The following ENOX1 variants were observed in gnomAD, a reference collection of about 807,000 sequenced individuals.
ENOX1 encodes candidate growth-related and time keeping constitutive hydroquinone (NADH) oxidase.
A neutral mutation model predicts 82.5 loss-of-function variants in ENOX1; 42 were observed. The ratio of observed to expected loss-of-function variants is 0.51; its 90% CI spans 0.40 to 0.66. The LOEUF (loss-of-function observed/expected upper bound fraction) is 0.66. Among genes scored for constraint, ENOX1 ranks in the 30% least tolerant of loss-of-function variants. ENOX1 has a pLI of 0.00. For synonymous variants in ENOX1, 271 were observed against 282.2 expected (o/e 0.96, Z 0.40); for missense variants, 608 against 811.6 (o/e 0.75, Z 3.05).
At chr13:43,494,088 A>T (rs2076713420) in intron 2 of ENOX1, among the ~76,000 whole-genome samples, 2 of 152,112 alleles carry the variant, frequency 1.3e-5, no homozygotes, top group South Asian at 2.1e-4. Flanking sequence ...CTTATGATTC[A>T]ATTCCCTCCA....
chr13:43,574,026 T>C (rs1050566163), intron 2 of ENOX1, among the ~76,000 whole-genome samples: 1 of 152,178 alleles, frequency 6.6e-6, no homozygotes, highest in Non-Finnish European at 1.5e-5. Context: ...CTGTACAAAA[T>C]GCCTTTAAGC....
chr13:43,673,923 G>A (rs533246999), intron 1 of ENOX1, among the ~76,000 whole-genome samples: 29 of 152,004 alleles, frequency 1.9e-4, no homozygotes, highest in Admixed American at 4.6e-4. Context: ...CTCTCTTGCC[G>A]CGTGACTGAT....
chr13:43,284,034 C>T (rs946566876), intron 12 of ENOX1, among the ~76,000 whole-genome samples: 1 of 152,052 alleles, frequency 6.6e-6, no homozygotes, highest in Non-Finnish European at 1.5e-5. Flanking sequence ...CAAAAAAATA[C>T]AATACCACTC....
chr13:43,563,936 A>T (rs954507339), intron 2 of ENOX1, among the ~76,000 whole-genome samples: 3 of 151,464 alleles, frequency 2.0e-5, no homozygotes, highest in Non-Finnish European at 4.4e-5. Context: ...TATCACTTCT[A>T]TTTAAATTAT....
chr13:43,317,459 C>A (rs900084319), intron 11 of ENOX1, among the ~76,000 whole-genome samples: 6 of 152,032 alleles, frequency 3.9e-5, no homozygotes, highest in Non-Finnish European at 8.8e-5. Context: ...AGTACTACCA[C>A]CCAGAAAATA....
intron 2 of ENOX1, among the ~76,000 whole-genome samples, chr13:43,611,857 T>C (rs2082214780): frequency 6.6e-6 from 1 of 152,226 alleles, no homozygotes; most frequent in Non-Finnish European, 1.5e-5. Context: ...ACCTTGCTCT[T>C]TTCTATGAGT....
chr13:43,414,641 G>C (rs545257227), intron 3 of ENOX1, among the ~76,000 whole-genome samples: 1 of 152,340 alleles, frequency 6.6e-6, no homozygotes, highest in South Asian at 2.1e-4. Flanking sequence ...AGAGTAGCAA[G>C]GCAGAGTCAG....
rs75559699 is a variant in ENOX1 at position 43,233,080 on chromosome 13, G to T, written c.1714+3556C>A. On this transcript the variant is annotated intron_variant, in intron 15 of 16. Coordinates refer to ENST00000690772, the MANE Select transcript of ENOX1 (RefSeq NM_001347969.2). Reference sequence around the variant, plus strand: ...CAGTGTATGCCAATCCAACATGCAGGCCATATGTGAAATAAACTAGTTCTG... The same window carrying T: ...CAGTGTATGCCAATCCAACATGCAGTCCATATGTGAAATAAACTAGTTCTG... 5.8e-4 allele frequency among the ~76,000 whole-genome samples: 89 copies of T among 152,222 alleles called. 3 individuals are homozygous for T. The East Asian group carries it at 0.016, about 27-fold the overall frequency.
In ENOX1 at chr13:43,416,922, T is replaced by C. The variant is rs972766786; in HGVS notation, c.-74-3934A>G. ...CCACTGCACTCCAGCCTGGGCAACA[T>C]TGAGCATTGAGTGAGTGAGACTCCG... On this transcript the variant is annotated intron_variant, in intron 3 of 16. Coordinates refer to ENST00000690772, the MANE Select transcript of ENOX1 (RefSeq NM_001347969.2). Among the ~76,000 whole-genome samples, 9 of 152,178 alleles carry C rather than the reference T, an allele frequency of 5.9e-5. No individual in the cohort carries two copies. The East Asian group carries it at 9.7e-4, about 16-fold the overall frequency.
intron 2 of ENOX1, among the ~76,000 whole-genome samples, chr13:43,597,467 A>C (rs1252186384): frequency 1.3e-5 from 2 of 152,186 alleles, no homozygotes; most frequent in Non-Finnish European, 2.9e-5. Flanking sequence ...TGTCACACAC[A>C]ATACATCCAA....
At chr13:43,353,980 T>C (rs1000239340) in intron 8 of ENOX1, among the ~76,000 whole-genome samples, 1 of 152,190 alleles carries the variant, frequency 6.6e-6, no homozygotes, top group Non-Finnish European at 1.5e-5. Flanking sequence ...CTGTACTGGG[T>C]TCTTAAAAAC....
intron 2 of ENOX1, among the ~76,000 whole-genome samples, chr13:43,640,315 C>T (rs914667980): frequency 1.3e-5 from 2 of 152,148 alleles, no homozygotes; most frequent in African/African-American, 2.4e-5. Context: ...TTCCAGGATG[C>T]ATGCTTTTTT....
intron 5 of ENOX1, among the ~76,000 whole-genome samples, chr13:43,388,055 A>G (rs1396852030): frequency 6.6e-6 from 1 of 152,208 alleles, no homozygotes; most frequent in African/African-American, 2.4e-5. Flanking sequence ...CATGAATGAC[A>G]TGAACAGGTC....
chr13:43,490,025 A>G (rs1037952736), intron 2 of ENOX1, among the ~76,000 whole-genome samples: 1 of 151,470 alleles, frequency 6.6e-6, no homozygotes, highest in Non-Finnish European at 1.5e-5. Flanking sequence ...CACAACCTCC[A>G]CCTCCTGGGT....
chr13:43,262,874 A>T (rs919275963), intron 14 of ENOX1, among the ~76,000 whole-genome samples: 3 of 152,156 alleles, frequency 2.0e-5, no homozygotes, highest in Admixed American at 6.5e-5. Context: ...TTAACACACA[A>T]ATGAGGAAGG....
chr13:43,403,733 C>T (rs1465641630), intron 5 of ENOX1, among the ~76,000 whole-genome samples: 1 of 151,820 alleles, frequency 6.6e-6, no homozygotes, highest in African/African-American at 2.4e-5. Context: ...CCCAGCTACT[C>T]GAGAAGCTGA....
At chr13:43,446,446 T>C (rs916071257) in intron 3 of ENOX1, among the ~76,000 whole-genome samples, 2 of 152,124 alleles carry the variant, frequency 1.3e-5, no homozygotes, top group East Asian at 1.9e-4. Flanking sequence ...TTTTTTTTTT[T>C]CTTCTTAAAC....
intron 2 of ENOX1, among the ~76,000 whole-genome samples, chr13:43,602,319 T>C (rs1286461905): frequency 2.0e-5 from 3 of 152,046 alleles, no homozygotes; most frequent in African/African-American, 7.2e-5. Context: ...AATAGATCAA[T>C]AGAAAACCTG....
intron 2 of ENOX1, among the ~76,000 whole-genome samples, chr13:43,665,502 G>A (rs998502515): frequency 4.6e-4 from 70 of 152,252 alleles, no homozygotes; most frequent in African/African-American, 1.5e-3. Flanking sequence ...AGCCAGAGAA[G>A]AGAATGTTAA....
Sources: allele counts gnomAD v4.1 joint callset (sites outside exome capture counted in the v4.1 genomes callset), GRCh38; gene constraint gnomAD v4.1.1; transcripts MANE v1.5; gene names NCBI Gene and HGNC (gene_info 2026-07-23, HGNC 2026-07-21).